ANXA4: variants seen among roughly 807,000 people sequenced by gnomAD.
The protein encoded by ANXA4 is 35-beta calcimedin.
Under a neutral mutation model 49.8 loss-of-function variants are expected in ANXA4, and 39 were observed. The observed-to-expected ratio is 0.78, with a 90% CI of 0.61 to 1.02. ANXA4 has a LOEUF of 1.02. Ranked by LOEUF, ANXA4 falls within the 50% of genes least tolerant of loss-of-function variation. The pLI is 0.00. For missense variants in ANXA4, 360 were observed against 410.1 expected, an observed-to-expected ratio of 0.88 and a Z score of 1.05; for synonymous variants, 134 against 152.5, an observed-to-expected ratio of 0.88 and a Z score of 0.89.
At chr2:69,822,628 C>A (rs1674290003) in intron 12 of ANXA4, among the ~76,000 whole-genome samples, 1 of 152,042 alleles carries the variant, frequency 6.6e-6, no homozygotes, top group Non-Finnish European at 1.5e-5. Flanking sequence ...CGTGAATGAA[C>A]CTTGAAAATA....
chr2:69,709,728 G>C (rs1390080655), intron 2 of ANXA4, among the ~76,000 whole-genome samples: 1 of 152,134 alleles, frequency 6.6e-6, no homozygotes, highest in Non-Finnish European at 1.5e-5. Context: ...TCAAAGCTTT[G>C]GGGTGGTCTG....
rs147165715 is a variant in ANXA4, at chr2:69,716,960, G to A, written n.767-3814G>A. Among the ~76,000 whole-genome samples, 1,255 of 152,284 alleles carry A rather than the reference G, an allele frequency of 8.2e-3. 22 individuals are homozygous for A. Among genetic ancestry groups the A allele is most frequent in the African/African-American group, 0.028 (1,177 of 41,548 alleles). On this transcript the variant is annotated intron_variant and non_coding_transcript_variant, in intron 2 of 3. Coordinates refer to the ANXA4 transcript ENST00000418066. Reference sequence around the variant, plus strand: ...CAAGCACTGTGTGGAGGAGAACACCGTCCAGCCTCTGCTCCCTGGCATCAC... The same window carrying A: ...CAAGCACTGTGTGGAGGAGAACACCATCCAGCCTCTGCTCCCTGGCATCAC...
chr2:69,820,181 C>G (rs892829918), intron 11 of ANXA4, among the ~76,000 whole-genome samples: 2 of 150,202 alleles, frequency 1.3e-5, no homozygotes, highest in Non-Finnish European at 3.0e-5. Context: ...TATAACAAGA[C>G]AGAATGTAAG....
chr2:69,726,614 G>C (rs1472048657), intron 3 of ANXA4, among the ~76,000 whole-genome samples: 3 of 152,186 alleles, frequency 2.0e-5, no homozygotes, highest in Admixed American at 6.5e-5. Context: ...TCAGTGCTTA[G>C]ATCAAGAAAC....
intron 2 of ANXA4, chr2:69,713,632 C>A (rs1678756693): frequency 6.6e-6 from 1 of 152,228 alleles, no homozygotes; most frequent in African/African-American, 2.4e-5. Context: ...CAGCAACACA[C>A]AACCCGTAAC....
intron 1 of ANXA4, among the ~76,000 whole-genome samples, chr2:69,774,620 G>A (rs1001277797): frequency 1.3e-5 from 2 of 152,044 alleles, no homozygotes; most frequent in Non-Finnish European, 2.9e-5. Flanking sequence ...GATTACAGGC[G>A]TGAGCCACCG....
At chr2:69,688,687 T>C (rs531231929) in intron 2 of ANXA4, among the ~76,000 whole-genome samples, 3 of 152,342 alleles carry the variant, frequency 2.0e-5, no homozygotes, top group African/African-American at 7.2e-5. Context: ...TTTTTAAGCA[T>C]TATGATGAAC....
At chr2:69,805,239 A>G (rs1040983335) in intron 4 of ANXA4, among the ~76,000 whole-genome samples, 6 of 152,118 alleles carry the variant, frequency 3.9e-5, no homozygotes, top group African/African-American at 1.4e-4. Flanking sequence ...AGAAATAGTC[A>G]TGAATGATCA....
At chr2:69,691,361 C>T (rs113638074) in intron 2 of ANXA4, among the ~76,000 whole-genome samples, 20,661 of 151,828 alleles carry the variant, frequency 0.14, 2,039 homozygotes, top group East Asian at 0.36. Flanking sequence ...GTAATCCACC[C>T]GCCTTGACCT....
At chr2:69,673,931 C>T (rs544127738) in intron 2 of ANXA4, 6 of 151,814 alleles carry the variant, frequency 4.0e-5, no homozygotes, top group East Asian at 3.9e-4. Context: ...TTTTGATGTT[C>T]CTTACCCTAC....
intron 3 of ANXA4, among the ~76,000 whole-genome samples, chr2:69,722,354 A>G (rs1288538784): frequency 4.6e-5 from 7 of 152,234 alleles, no homozygotes; most frequent in Non-Finnish European, 7.3e-5. Flanking sequence ...CATAGCCAAA[A>G]AGTGGAAACA....
intron 1 of ANXA4, among the ~76,000 whole-genome samples, chr2:69,747,418 TTC>T (rs1294877444): frequency 6.6e-6 from 1 of 152,168 alleles, no homozygotes; most frequent in African/African-American, 2.4e-5. Context: ...GGAAAACATT[TTC>T]TGAGTCTTAC....
intron 1 of ANXA4, among the ~76,000 whole-genome samples, chr2:69,759,568 A>C (rs1053664357): frequency 6.6e-6 from 1 of 152,178 alleles, no homozygotes; most frequent in African/African-American, 2.4e-5. Context: ...CTCTACCTAG[A>C]TTCTGCAGGG....
chr2:69,792,749 T>C (rs1672747025), intron 3 of ANXA4, among the ~76,000 whole-genome samples: 1 of 152,234 alleles, frequency 6.6e-6, no homozygotes, highest in South Asian at 2.1e-4. Context: ...TGTAATTCCA[T>C]GTTCAGTAGT....
At chr2:69,797,489 C>G (rs961755154) in intron 3 of ANXA4, among the ~76,000 whole-genome samples, 2 of 152,114 alleles carry the variant, frequency 1.3e-5, no homozygotes, top group Non-Finnish European at 2.9e-5. Context: ...AATGGATCTC[C>G]GGAGAGATAA....
chr2:69,813,641 A>G (rs1474672523), intron 8 of ANXA4, among the ~76,000 whole-genome samples: 1 of 152,146 alleles, frequency 6.6e-6, no homozygotes. Context: ...ACAAACAAGG[A>G]AACTGAGGCT....
intron 3 of ANXA4, among the ~76,000 whole-genome samples, chr2:69,789,889 C>T (rs986908393): frequency 1.3e-5 from 2 of 152,100 alleles, no homozygotes; most frequent in African/African-American, 2.4e-5. Flanking sequence ...TGCAGACATC[C>T]ACCCAAGTCT....
intron 1 of ANXA4, among the ~76,000 whole-genome samples, chr2:69,768,142 G>A (rs577898078): frequency 1.3e-5 from 2 of 152,160 alleles, no homozygotes; most frequent in Non-Finnish European, 2.9e-5. Context: ...GTGACCTGGG[G>A]TACTATGCTT....
intron 2 of ANXA4, among the ~76,000 whole-genome samples, chr2:69,719,508 C>T (rs941521396): frequency 2.0e-5 from 3 of 151,488 alleles, no homozygotes; most frequent in Non-Finnish European, 2.9e-5. Flanking sequence ...GGTGCAATCT[C>T]GGCTCATTGC....
Sources: allele counts gnomAD v4.1 joint callset (sites outside exome capture counted in the v4.1 genomes callset), GRCh38; gene constraint gnomAD v4.1.1; transcripts MANE v1.5; gene names NCBI Gene and HGNC (gene_info 2026-07-23, HGNC 2026-07-21).